The following GPC6 variants were observed in gnomAD, a reference collection of about 807,000 sequenced individuals.
GPC6 encodes glypican 6.
GPC6 carries 14 observed loss-of-function variants against 55.2 expected under a neutral mutation model. That is an observed-to-expected ratio of 0.25 (90% CI 0.17 to 0.40). The LOEUF (loss-of-function observed/expected upper bound fraction) is 0.40. Ranked by LOEUF, GPC6 falls within the 10% of genes least tolerant of loss-of-function variation. The pLI, the probability that GPC6 is intolerant of heterozygous loss-of-function variation, is 1.00. For synonymous variants in GPC6, 278 were observed against 259.6 expected (o/e 1.07, Z -0.68); for missense variants, 641 against 708.5 (o/e 0.90, Z 1.08).
At chr13:94,145,586 G>A (rs141329452) in intron 4 of GPC6, among the ~76,000 whole-genome samples, 3 of 152,162 alleles carry the variant, frequency 2.0e-5, no homozygotes, top group African/African-American at 4.8e-5. Flanking sequence ...CATGAGAAGT[G>A]TAAGCTTTGT....
chr13:93,891,291 G>T (rs1875665313), intron 3 of GPC6, among the ~76,000 whole-genome samples: 1 of 152,104 alleles, frequency 6.6e-6, no homozygotes, highest in Non-Finnish European at 1.5e-5. Flanking sequence ...TGAGTCAACT[G>T]CCAGCAAAGA....
chr13:94,090,323 AT>A (rs1885435152), intron 4 of GPC6, among the ~76,000 whole-genome samples: 1 of 152,042 alleles, frequency 6.6e-6, no homozygotes, highest in African/African-American at 2.4e-5. Context: ...ACATGTGGGG[AT>A]TATGGGAGCT....
intron 1 of GPC6, among the ~76,000 whole-genome samples, chr13:93,534,028 A>G (rs1239881272): frequency 1.3e-5 from 2 of 152,118 alleles, no homozygotes; most frequent in Non-Finnish European, 2.9e-5. Context: ...ATGAAGGGAA[A>G]GAAATGACTG....
At chr13:93,972,369 T>C (rs975712590) in intron 3 of GPC6, among the ~76,000 whole-genome samples, 1 of 152,184 alleles carries the variant, frequency 6.6e-6, no homozygotes, top group African/African-American at 2.4e-5. Context: ...TTTGGGATTA[T>C]TTAGTTTCTT....
intron 1 of GPC6, among the ~76,000 whole-genome samples, chr13:93,493,298 GT>G (rs558738561): frequency 0.011 from 581 of 51,312 alleles, 134 homozygotes; most frequent in African/African-American, 0.041. Context: ...AGATTTTCTA[GT>G]TTATTTGCGT....
At chr13:93,220,588 T>A in the GPC6 span, among the ~76,000 whole-genome samples, 2 of 152,344 alleles carry the variant, frequency 1.3e-5, no homozygotes, top group East Asian at 3.9e-4. Context: ...CTTCAAATAA[T>A]GGCATTGTCA....
chr13:94,230,527 A>G (rs939101551), intron 4 of GPC6, among the ~76,000 whole-genome samples: 7 of 152,098 alleles, frequency 4.6e-5, no homozygotes, highest in African/African-American at 1.4e-4. Context: ...ACACTCTAGC[A>G]TTCTCCAAGT....
At chr13:93,920,415 C>G (rs1433097843) in intron 3 of GPC6, among the ~76,000 whole-genome samples, 2 of 152,064 alleles carry the variant, frequency 1.3e-5, no homozygotes, top group Non-Finnish European at 1.5e-5. Flanking sequence ...CATTTCTAAC[C>G]TCTCTTTAGC....
chr13:93,720,623 G>T (rs1181770139), intron 2 of GPC6, among the ~76,000 whole-genome samples: 1 of 151,792 alleles, frequency 6.6e-6, no homozygotes, highest in African/African-American at 2.4e-5. Flanking sequence ...GAATTTGTTT[G>T]TCCTTGCTTC....
intron 3 of GPC6, among the ~76,000 whole-genome samples, chr13:93,877,993 A>G (rs1047091423): frequency 6.6e-6 from 1 of 152,056 alleles, no homozygotes; most frequent in East Asian, 1.9e-4. Flanking sequence ...AAAGCAGTAC[A>G]TTTTAAAGTT....
chr13:94,296,551 C>T (rs1477518179), intron 5 of GPC6, among the ~76,000 whole-genome samples: 1 of 152,206 alleles, frequency 6.6e-6, no homozygotes, highest in African/African-American at 2.4e-5. Context: ...GGCCTCTGCC[C>T]AGTCTCATAA....
chr13:94,258,352 G>A (rs1891562919), intron 4 of GPC6, among the ~76,000 whole-genome samples: 1 of 152,216 alleles, frequency 6.6e-6, no homozygotes, highest in Non-Finnish European at 1.5e-5. Context: ...TTTGGCCATA[G>A]CTATCATTTC....
intron 2 of GPC6, among the ~76,000 whole-genome samples, chr13:93,804,211 G>A (rs1886468754): frequency 6.6e-6 from 1 of 152,038 alleles, no homozygotes; most frequent in African/African-American, 2.4e-5. Flanking sequence ...TTCATATAAT[G>A]TTATACCAAT....
intron 5 of GPC6, among the ~76,000 whole-genome samples, chr13:94,290,915 G>A (rs1775095049): frequency 6.6e-6 from 1 of 152,120 alleles, no homozygotes; most frequent in African/African-American, 2.4e-5. Context: ...AGGGAGACCG[G>A]GCATGGTGGT....
intron 4 of GPC6, among the ~76,000 whole-genome samples, chr13:94,201,172 T>C (rs1889735645): frequency 6.6e-6 from 1 of 152,200 alleles, no homozygotes; most frequent in Admixed American, 6.5e-5. Flanking sequence ...AGATGTGATT[T>C]GATCTCCAGG....
intron 4 of GPC6, among the ~76,000 whole-genome samples, chr13:94,135,103 A>G (rs1887136292): frequency 6.6e-6 from 1 of 152,116 alleles, no homozygotes; most frequent in African/African-American, 2.4e-5. Context: ...TCCCTTTGAG[A>G]CTCATTGACA....
At chr13:93,961,103 C>T (rs534535078) in intron 3 of GPC6, among the ~76,000 whole-genome samples, 6 of 152,222 alleles carry the variant, frequency 3.9e-5, no homozygotes, top group African/African-American at 9.6e-5. Context: ...CGTGAGCCAC[C>T]GCACTTGGCC....
intron 2 of GPC6, among the ~76,000 whole-genome samples, chr13:93,765,487 T>C (rs1004912094): frequency 2.2e-4 from 34 of 151,224 alleles, no homozygotes; most frequent in Non-Finnish European, 2.6e-4. Context: ...TTATAAACTT[T>C]TTTAAAAAAA....
intron 1 of GPC6, among the ~76,000 whole-genome samples, chr13:93,244,779 C>G (rs1446915033): frequency 6.6e-6 from 1 of 151,802 alleles, no homozygotes; most frequent in African/African-American, 2.4e-5. Context: ...CCTACTGCTC[C>G]TTTCACAGTA....
Sources: allele counts gnomAD v4.1 joint callset (sites outside exome capture counted in the v4.1 genomes callset), GRCh38; gene constraint gnomAD v4.1.1; transcripts MANE v1.5; gene names NCBI Gene and HGNC (gene_info 2026-07-23, HGNC 2026-07-21).